SMYD3: variants seen among roughly 807,000 people sequenced by gnomAD.
SMYD3 encodes the protein histone-lysine N-methyltransferase SMYD3.
SMYD3 carries 36 observed loss-of-function variants against 57.7 expected under a neutral mutation model. The observed-to-expected ratio is 0.62, with a 90% CI of 0.48 to 0.82. The LOEUF (loss-of-function observed/expected upper bound fraction) is 0.82. SMYD3 is among the 40% of genes least tolerant of loss of function. The pLI is 0.00. For missense variants in SMYD3, 515 were observed against 538.8 expected (o/e 0.96, Z 0.44); for synonymous variants, 211 against 195.0 (o/e 1.08, Z -0.68).
In SMYD3 at chr1:245,861,158, T is replaced by A. The variant is rs74419902; in HGVS notation, c.902-2488A>T. Among the ~76,000 whole-genome samples the A allele has an allele frequency of 4.6e-5, 7 of 152,146 alleles. No individual in the cohort carries two copies. The East Asian group carries it at 1.4e-3, about 29-fold the overall frequency. ...CAAAACACCCCAGTGAGCCAAAAAA[T>A]GGAATAATTTTAACTAAGAGGCTTT... is the stretch of plus-strand genomic sequence containing the variant. On this transcript the variant is annotated intron_variant, in intron 9 of 11. Coordinates refer to ENST00000490107, the MANE Select transcript of SMYD3 (RefSeq NM_001167740.2).
intron 1 of SMYD3, among the ~76,000 whole-genome samples, chr1:246,443,942 C>T (rs2067509194): frequency 6.6e-6 from 1 of 151,930 alleles, no homozygotes; most frequent in South Asian, 2.1e-4. Context: ...GCTAATCTGC[C>T]TTCCCTATAA....
chr1:246,002,748 G>T (rs1173863888), intron 5 of SMYD3, among the ~76,000 whole-genome samples: 1 of 152,080 alleles, frequency 6.6e-6, no homozygotes, highest in East Asian at 1.9e-4. Context: ...CACCACGCCC[G>T]GCCCATTATT....
At chr1:246,472,881 AGAGTC>A (rs2067980355) in intron 1 of SMYD3, among the ~76,000 whole-genome samples, 1 of 128,682 alleles carries the variant, frequency 7.8e-6, no homozygotes, top group African/African-American at 3.0e-5. Context: ...TTTTTGAGAC[AGAGTC>A]TCACTCTGTC....
chr1:246,028,918 G>A (rs183611005), intron 5 of SMYD3, among the ~76,000 whole-genome samples: 84 of 152,092 alleles, frequency 5.5e-4, no homozygotes, highest in Non-Finnish European at 1.0e-3. Context: ...AGAACCTAGA[G>A]ATAAATTCAC....
At chr1:245,868,215 A>C (rs939033810) in intron 8 of SMYD3, among the ~76,000 whole-genome samples, 9 of 152,202 alleles carry the variant, frequency 5.9e-5, no homozygotes, top group Admixed American at 2.0e-4. Context: ...CCTGAAGCTT[A>C]CATAATTGGT....
intron 5 of SMYD3, among the ~76,000 whole-genome samples, chr1:246,173,935 T>G (rs1254077289): frequency 6.6e-6 from 1 of 151,952 alleles, no homozygotes; most frequent in Non-Finnish European, 1.5e-5. Context: ...GCCTCCTGAG[T>G]ACCCAGGACT....
chr1:245,874,104 C>T (rs2052364466), intron 8 of SMYD3, among the ~76,000 whole-genome samples: 1 of 151,976 alleles, frequency 6.6e-6, no homozygotes, highest in Admixed American at 6.6e-5. Context: ...TCTGATTTGT[C>T]CCTCCTTCAT....
At position 245,863,887 on chromosome 1, in the gene SMYD3, C is replaced by A; in HGVS notation, c.814-1G>T. 6.2e-7 allele frequency: 1 copy of A among 1,613,944 alleles called. No individual in the cohort carries two copies. Among genetic ancestry groups the A allele is most frequent in the Non-Finnish European group, 8.5e-7 (1 of 1,179,828 alleles). On this transcript the variant is annotated splice_acceptor_variant, in intron 8 of 11. Coordinates refer to ENST00000490107, the MANE Select transcript of SMYD3 (RefSeq NM_001167740.2). LOFTEE classifies it high-confidence loss of function. ...CATCACCAGTTAGCATATCAGCATC[C>A]TGCTCAGGCCAGAAAAGGAAGACAA... is the stretch of plus-strand genomic sequence containing the variant.
chr1:246,171,060 C>T (rs1485979808), intron 5 of SMYD3, among the ~76,000 whole-genome samples: 1 of 151,998 alleles, frequency 6.6e-6, no homozygotes, highest in Non-Finnish European at 1.5e-5. Context: ...TTGTTTCTTT[C>T]AGTACATGTT....
At chr1:246,220,075 AT>A (rs1457785915) in intron 5 of SMYD3, among the ~76,000 whole-genome samples, 1 of 152,176 alleles carries the variant, frequency 6.6e-6, no homozygotes, top group Non-Finnish European at 1.5e-5. Flanking sequence ...TTCAAATATA[AT>A]GATATCTAAA....
chr1:246,329,702 C>T (rs1558405332), intron 4 of SMYD3, among the ~76,000 whole-genome samples: 2 of 152,060 alleles, frequency 1.3e-5, no homozygotes, highest in South Asian at 2.1e-4. Context: ...TTAATCAGAT[C>T]CCATTTGTCA....
chr1:246,189,541 A>C (rs1268630687), intron 5 of SMYD3, among the ~76,000 whole-genome samples: 1 of 152,234 alleles, frequency 6.6e-6, no homozygotes, highest in African/African-American at 2.4e-5. Flanking sequence ...ATAAGACAAA[A>C]TAGGAAAGAT....
At chr1:246,252,618 A>AC (rs1376242905) in intron 5 of SMYD3, among the ~76,000 whole-genome samples, 9 of 152,236 alleles carry the variant, frequency 5.9e-5, no homozygotes, top group Non-Finnish European at 8.8e-5. Flanking sequence ...AGACTTTATT[A>AC]CATATTAACT....
chr1:245,785,476 G>A (rs2046997303), intron 10 of SMYD3, among the ~76,000 whole-genome samples: 1 of 152,042 alleles, frequency 6.6e-6, no homozygotes, highest in African/African-American at 2.4e-5. Flanking sequence ...CATGCTGCCC[G>A]CTAGGTGCTC....
intron 8 of SMYD3, among the ~76,000 whole-genome samples, chr1:245,888,145 C>T (rs2053187048): frequency 6.6e-6 from 1 of 152,182 alleles, no homozygotes; most frequent in South Asian, 2.1e-4. Context: ...CATGATAGAC[C>T]TGTCATGGAG....
intron 1 of SMYD3, among the ~76,000 whole-genome samples, chr1:246,474,434 G>A (rs774796108): frequency 2.1e-4 from 32 of 148,880 alleles, no homozygotes; most frequent in African/African-American, 7.2e-4. Flanking sequence ...CAGGAGAATC[G>A]CTTGAACCCG....
intron 1 of SMYD3, among the ~76,000 whole-genome samples, chr1:246,419,851 G>A (rs531448023): frequency 2.0e-5 from 3 of 152,234 alleles, no homozygotes; most frequent in Admixed American, 1.3e-4. Flanking sequence ...ACTATCTTCC[G>A]CAAAACCAGT....
At chr1:246,184,524 C>T (rs2062602017) in intron 5 of SMYD3, among the ~76,000 whole-genome samples, 1 of 152,184 alleles carries the variant, frequency 6.6e-6, no homozygotes, top group African/African-American at 2.4e-5. Flanking sequence ...AACAATATCA[C>T]AGATTATGGA....
chr1:246,434,760 CAG>C (rs1260181508), intron 1 of SMYD3, among the ~76,000 whole-genome samples: 1 of 152,204 alleles, frequency 6.6e-6, no homozygotes, highest in Non-Finnish European at 1.5e-5. Flanking sequence ...GAACTTGAAA[CAG>C]AGCTACCATT....
Sources: gnomAD v4.1 joint callset for allele counts (sites outside exome capture counted in the v4.1 genomes callset) on GRCh38, gnomAD v4.1.1 for gene constraint, MANE v1.5 for transcripts, NCBI Gene and HGNC (gene_info 2026-07-23, HGNC 2026-07-21) for gene names.